Variants in NCAPH observed in about 807,000 individuals in gnomAD.
NCAPH encodes the protein condensin complex subunit 2.
Under a neutral mutation model 85.5 loss-of-function variants are expected in NCAPH, and 38 were observed. That is an observed-to-expected ratio of 0.44 (90% CI 0.34 to 0.58). The LOEUF (loss-of-function observed/expected upper bound fraction) is 0.58. Ranked by LOEUF, NCAPH falls within the 20% of genes least tolerant of loss-of-function variation. NCAPH has a pLI of 0.01. For synonymous variants in NCAPH, 301 were observed against 335.1 expected (o/e 0.90, Z 1.11); for missense variants, 789 against 916.6 (o/e 0.86, Z 1.80).
Position 96,354,498 on chromosome 2 carries a change from C to A in NCAPH, c.1208+110C>A, listed in dbSNP as rs1187911551. ...TTTTTCTTTCTTTTTTTTTCCCCCC[C>A]CAAAAATAGAGACGGGCATCTCACT... On this transcript the variant is annotated intron_variant, in intron 9 of 17. Transcript: ENST00000240423. 8.3e-6 allele frequency: 8 copies of A among 967,494 alleles called. No individual in the cohort carries two copies. In the South Asian group the frequency reaches 1.2e-4, roughly 15 times the overall value. The allele number at this position is 967,494 out of a possible 1,614,324, so 59.9% of individuals were successfully genotyped here. A position where few individuals can be genotyped will look rare whatever the true frequency, so the allele number is the denominator to read the frequency against.
chr2:96,360,320 T>C, intron 11 of NCAPH, 71 bp downstream of exon 11: 1 of 995,156 alleles, frequency 1.0e-6, no homozygotes, highest in African/African-American at 1.6e-5. Flanking sequence ...TAAAATTCCG[T>C]ATAAATTTAA....
intron 7 of NCAPH, among the ~76,000 whole-genome samples, chr2:96,352,493 A>G (rs1337981884): frequency 6.6e-6 from 1 of 152,214 alleles, no homozygotes; most frequent in African/African-American, 2.4e-5. Flanking sequence ...TCCTATTATC[A>G]GTCCCCTATA....
chr2:96,342,677 C>A, intron 3 of NCAPH, 79 bp from the exon 4 acceptor site: 2 of 1,168,246 alleles, frequency 1.7e-6, no homozygotes, highest in Non-Finnish European at 2.5e-6. Context: ...AAAGACTTAG[C>A]TTCCTCTGTT....
chr2:96,371,824 A>C (rs1003923984), intron 17 of NCAPH, among the ~76,000 whole-genome samples: 3 of 152,152 alleles, frequency 2.0e-5, no homozygotes, highest in African/African-American at 7.2e-5. Context: ...TCACAGCAGA[A>C]CTTGACCTCC....
At chr2:96,350,020 C>T (rs1332798347) in intron 6 of NCAPH, among the ~76,000 whole-genome samples, 1 of 152,214 alleles carries the variant, frequency 6.6e-6, no homozygotes, top group African/African-American at 2.4e-5. Flanking sequence ...AAGCAAAAGC[C>T]ATAGCACAGG....
chr2:96,365,425 T>C (rs924316800), intron 13 of NCAPH, among the ~76,000 whole-genome samples: 1 of 149,368 alleles, frequency 6.7e-6, no homozygotes, highest in African/African-American at 2.4e-5. Flanking sequence ...CCGAAGATAC[T>C]GATACATTCA....
intron 13 of NCAPH, among the ~76,000 whole-genome samples, chr2:96,365,640 C>T (rs1033711069): frequency 6.6e-6 from 1 of 152,118 alleles, no homozygotes; most frequent in Non-Finnish European, 1.5e-5. Context: ...TTATGGTTAT[C>T]GAATTCCTTT....
intron 6 of NCAPH, among the ~76,000 whole-genome samples, chr2:96,348,434 C>T (rs573981663): frequency 6.6e-6 from 1 of 152,064 alleles, no homozygotes; most frequent in South Asian, 2.1e-4. Flanking sequence ...TGTGATCCGC[C>T]GCCCGCCTCG....
intron 9 of NCAPH, among the ~76,000 whole-genome samples, chr2:96,356,064 C>T (rs1024105605): frequency 2.6e-5 from 4 of 152,232 alleles, no homozygotes; most frequent in Non-Finnish European, 5.9e-5. Context: ...CTGACAATAA[C>T]AAAGGGCTTC....
At chr2:96,348,374 A>C (rs1189197728) in intron 6 of NCAPH, among the ~76,000 whole-genome samples, 1 of 151,648 alleles carries the variant, frequency 6.6e-6, no homozygotes, top group East Asian at 1.9e-4. Flanking sequence ...TATTTTTAGG[A>C]GAGACGGGGT....
Position 96,375,433 on chromosome 2 carries a change from T to G in NCAPH, c.*2082T>G, listed in dbSNP as rs1052360636. Among the ~76,000 whole-genome samples the G allele has an allele frequency of 6.6e-6, 1 of 152,142 alleles. No individual in the cohort carries two copies. The highest frequency in any genetic ancestry group is 2.4e-5 in the African/African-American group (1 of 41,424). On this transcript the variant is annotated 3_prime_UTR_variant, in exon 18 of 18. Coordinates refer to ENST00000240423, the MANE Select transcript of NCAPH (RefSeq NM_015341.5). ...GCAGATCCCTCGTGAATGGGATTAG[T>G]GCTCTTATAAAAGAGGCCTGAGGAA...
At chr2:96,361,749 GATATAT>G (rs142082869) in intron 12 of NCAPH, among the ~76,000 whole-genome samples, 2 of 95,188 alleles carry the variant, frequency 2.1e-5, no homozygotes, top group African/African-American at 7.4e-5. Flanking sequence ...AGATTTTAAT[GATATAT>G]ATATATATAT....
intron 5 of NCAPH, 133 bp downstream of exon 5, chr2:96,343,437 C>T (rs2064322400): frequency 9.4e-7 from 1 of 1,067,238 alleles, no homozygotes; most frequent in East Asian, 2.7e-5. Flanking sequence ...TTTTTAGAAC[C>T]ATATATGGTC....
At chr2:96,358,573 A>G (rs927611518) in intron 9 of NCAPH, among the ~76,000 whole-genome samples, 43 of 151,950 alleles carry the variant, frequency 2.8e-4, no homozygotes, top group Non-Finnish European at 5.7e-4. Context: ...GGTTCACGCC[A>G]TTCTCCTGCC....
intron 12 of NCAPH, 46 bp downstream of exon 12, chr2:96,360,756 G>T: frequency 3.1e-6 from 5 of 1,610,710 alleles, no homozygotes; most frequent in Non-Finnish European, 4.2e-6. Context: ...GTATCAAGTG[G>T]CTGATAGTAT....
chr2:96,369,335 T>C (rs2064741604), intron 16 of NCAPH, 90 bp from the exon 17 acceptor site: 1 of 1,083,024 alleles, frequency 9.2e-7, no homozygotes, highest in Non-Finnish European at 1.4e-6. Flanking sequence ...ATTAGTTTAG[T>C]CATTGCATGT....
chr2:96,371,896 A>G (rs1429176049), intron 17 of NCAPH, among the ~76,000 whole-genome samples: 1 of 152,172 alleles, frequency 6.6e-6, no homozygotes, highest in Non-Finnish European at 1.5e-5. Context: ...CACCACTGTG[A>G]TAACAGTCTC....
At chr2:96,345,665 A>C (rs2104433157) in intron 6 of NCAPH, among the ~76,000 whole-genome samples, 1 of 152,314 alleles carries the variant, frequency 6.6e-6, no homozygotes, top group South Asian at 2.1e-4. Flanking sequence ...CTTAGAGCTG[A>C]GAGGCAGTAG....
At chr2:96,357,721 C>G (rs2064542834) in intron 9 of NCAPH, among the ~76,000 whole-genome samples, 1 of 152,080 alleles carries the variant, frequency 6.6e-6, no homozygotes, top group African/African-American at 2.4e-5. Flanking sequence ...TTTAATTACA[C>G]AATAAATGCA....
Sources: allele counts gnomAD v4.1 joint callset (sites outside exome capture counted in the v4.1 genomes callset), GRCh38; gene constraint gnomAD v4.1.1; transcripts MANE v1.5; gene names NCBI Gene and HGNC (gene_info 2026-07-23, HGNC 2026-07-21).